The following MTA3 variants were observed in gnomAD, a reference collection of about 807,000 sequenced individuals.
MTA3 encodes the protein metastasis-associated protein MTA3.
In MTA3, 34 loss-of-function variants were observed where a neutral mutation model predicts 83.5. That is an observed-to-expected ratio of 0.41 (90% confidence interval 0.31 to 0.54). The LOEUF (loss-of-function observed/expected upper bound fraction) is 0.54. MTA3 is among the 20% of genes least tolerant of loss of function. MTA3 has a pLI of 0.33. For missense variants in MTA3, 761 were observed against 726.4 expected (o/e 1.05, Z -0.55); for synonymous variants, 303 against 252.7 (o/e 1.20, Z -1.89).
intron 3 of MTA3, among the ~76,000 whole-genome samples, chr2:42,599,440 A>G (rs1682269041): frequency 6.6e-6 from 1 of 152,010 alleles, no homozygotes; most frequent in African/African-American, 2.4e-5. Flanking sequence ...TAAAAAAAAT[A>G]CAAAAATTAG....
At chr2:42,712,270 G>A (rs993162030) in intron 14 of MTA3, among the ~76,000 whole-genome samples, 2 of 152,122 alleles carry the variant, frequency 1.3e-5, no homozygotes, top group African/African-American at 4.8e-5. Flanking sequence ...AAAGGGGTGG[G>A]AAGATTTACC....
At chr2:42,742,773 C>T (rs768002700) in intron 16 of MTA3, among the ~76,000 whole-genome samples, 1 of 152,136 alleles carries the variant, frequency 6.6e-6, no homozygotes, top group Non-Finnish European at 1.5e-5. Flanking sequence ...AGATATCAAC[C>T]ATTTTTATAG....
chr2:42,659,318 G>T (rs918285432), intron 7 of MTA3, among the ~76,000 whole-genome samples: 1 of 152,160 alleles, frequency 6.6e-6, no homozygotes, highest in Non-Finnish European at 1.5e-5. Flanking sequence ...CTCACAGGAA[G>T]GGGTTGCTAC....
chr2:42,653,956 G>A (rs943289301), intron 6 of MTA3, among the ~76,000 whole-genome samples: 2 of 152,190 alleles, frequency 1.3e-5, no homozygotes, highest in African/African-American at 4.8e-5. Flanking sequence ...GGTTAATTGT[G>A]TCATTCTCCA....
intron 2 of MTA3, among the ~76,000 whole-genome samples, chr2:42,572,497 C>G (rs774565152): frequency 6.6e-6 from 1 of 151,838 alleles, no homozygotes; most frequent in East Asian, 1.9e-4. Flanking sequence ...ATTGCTTGGG[C>G]CCAGGAGGTC....
At chr2:42,575,729 A>G (rs1486572162) in intron 2 of MTA3, among the ~76,000 whole-genome samples, 15 of 152,236 alleles carry the variant, frequency 9.9e-5, no homozygotes. Flanking sequence ...TTACACCTTA[A>G]GGTAGCTAAA....
intron 9 of MTA3, 124 bp from the exon 10 acceptor site, chr2:42,695,634 CAAAAAAA>C (rs70963347): frequency 4.6e-4 from 60 of 130,770 alleles, no homozygotes; most frequent in African/African-American, 1.7e-3. Flanking sequence ...CAGTCTATCT[CAAAAAAA>C]AAAAAAAAAA....
chr2:42,695,508 T>C (rs941412840), intron 9 of MTA3, among the ~76,000 whole-genome samples: 4 of 151,624 alleles, frequency 2.6e-5, no homozygotes, highest in Non-Finnish European at 5.9e-5. Flanking sequence ...TGGTGGCATG[T>C]GCTTCTAATC....
At chr2:42,552,873 C>T (rs1349206097) in intron 2 of MTA3, among the ~76,000 whole-genome samples, 3 of 151,698 alleles carry the variant, frequency 2.0e-5, no homozygotes, top group Admixed American at 1.3e-4. Context: ...TTGCTTGAAC[C>T]CAGGAGGTGG....
At chr2:42,720,970 A>AAAAAGAAAAG in intron 15 of MTA3, among the ~76,000 whole-genome samples, 1 of 149,936 alleles carries the variant, frequency 6.7e-6, no homozygotes, top group African/African-American at 2.5e-5. Flanking sequence ...AAAAAAAAAA[A>AAAAAGAAAAG]AAAAGAAAAG....
At chr2:42,518,396 G>A (rs979620613) in intron 2 of MTA3, among the ~76,000 whole-genome samples, 1 of 152,136 alleles carries the variant, frequency 6.6e-6, no homozygotes, top group Non-Finnish European at 1.5e-5. Flanking sequence ...ATAAAACAAT[G>A]ATTGGGAAAT....
At chr2:42,601,126 C>T (rs1682520020) in intron 3 of MTA3, among the ~76,000 whole-genome samples, 1 of 152,026 alleles carries the variant, frequency 6.6e-6, no homozygotes, top group Non-Finnish European at 1.5e-5. Context: ...AGGATGGTCT[C>T]CATCTCTTGA....
At chr2:42,576,387 G>T (rs905526205) in intron 2 of MTA3, among the ~76,000 whole-genome samples, 1 of 152,232 alleles carries the variant, frequency 6.6e-6, no homozygotes, top group African/African-American at 2.4e-5. Flanking sequence ...GAGTGTTCTA[G>T]ATAAAGGCCC....
chr2:42,582,584 T>TA (rs1679794902), intron 3 of MTA3, among the ~76,000 whole-genome samples: 1 of 152,074 alleles, frequency 6.6e-6, no homozygotes. Context: ...GGGTAGGAGT[T>TA]CGAGATCAGC....
intron 6 of MTA3, 70 bp from the exon 7 acceptor site, chr2:42,656,130 G>T: frequency 1.8e-6 from 2 of 1,134,226 alleles, no homozygotes; most frequent in Non-Finnish European, 2.6e-6. Context: ...TATGGTGACA[G>T]TTGTCATCAG....
At chr2:42,671,161 A>G (rs901129786) in intron 8 of MTA3, among the ~76,000 whole-genome samples, 18 of 151,372 alleles carry the variant, frequency 1.2e-4, no homozygotes, top group Admixed American at 9.9e-4. Flanking sequence ...AGTGTGGGTT[A>G]TGGTTATAAT....
At chr2:42,633,209 G>A (rs1686852676) in intron 4 of MTA3, among the ~76,000 whole-genome samples, 1 of 151,702 alleles carries the variant, frequency 6.6e-6, no homozygotes, top group African/African-American at 2.4e-5. Context: ...GTTGCAGTGA[G>A]CCGAGGTTGC....
intron 5 of MTA3, among the ~76,000 whole-genome samples, chr2:42,642,153 C>CT (rs973014163): frequency 6.6e-6 from 1 of 152,090 alleles, no homozygotes; most frequent in Non-Finnish European, 1.5e-5. Context: ...TTTTCTTCTT[C>CT]TTTTTTACAA....
chr2:42,675,739 G>A (rs535571340), intron 8 of MTA3, among the ~76,000 whole-genome samples: 2 of 152,230 alleles, frequency 1.3e-5, no homozygotes, highest in African/African-American at 2.4e-5. Flanking sequence ...TTATGTTACT[G>A]TGTCTTTTCC....
Sources: allele counts gnomAD v4.1 joint callset (sites outside exome capture counted in the v4.1 genomes callset), GRCh38; gene constraint gnomAD v4.1.1; transcripts MANE v1.5; gene names NCBI Gene and HGNC (gene_info 2026-07-23, HGNC 2026-07-21).